Variants in ITGA1 observed in about 807,000 individuals in gnomAD.
ITGA1 encodes integrin subunit alpha 1, also known as integrin alpha-1.
In ITGA1, 85 loss-of-function variants were observed where a neutral mutation model predicts 145.9. The observed-to-expected ratio is 0.58, with a 90% CI of 0.49 to 0.70. The LOEUF (loss-of-function observed/expected upper bound fraction) is 0.70. Ranked by LOEUF, ITGA1 falls within the 30% of genes least tolerant of loss-of-function variation. The pLI, the probability that ITGA1 is intolerant of heterozygous loss-of-function variation, is 0.00. For synonymous variants in ITGA1, 520 were observed against 495.3 expected (o/e 1.05, Z -0.66); for missense variants, 1,351 against 1,418.7 (o/e 0.95, Z 0.77).
chr5:52,831,583 C>A (rs1749071268), intron 1 of ITGA1, among the ~76,000 whole-genome samples: 1 of 150,080 alleles, frequency 6.7e-6, no homozygotes, highest in Non-Finnish European at 1.5e-5. Flanking sequence ...ATTGGCATCA[C>A]AATAACAGTA....
At chr5:52,890,765 T>G in intron 8 of ITGA1, among the ~76,000 whole-genome samples, 1 of 152,320 alleles carries the variant, frequency 6.6e-6, no homozygotes, top group Non-Finnish European at 1.5e-5. Flanking sequence ...TATTTTGAAA[T>G]ATACAATATG....
At chr5:52,917,563 T>TCCATTAAAAATAATAAATC (rs150800671) in intron 15 of ITGA1, among the ~76,000 whole-genome samples, 31,057 of 151,228 alleles carry the variant, frequency 0.21, 3,865 homozygotes, top group East Asian at 0.35. Flanking sequence ...ATAGTCTGCT[T>TCCATTAAAAATAATAAATC]CCATTAAAAA....
At chr5:52,832,898 G>A (rs1309447007) in intron 1 of ITGA1, among the ~76,000 whole-genome samples, 2 of 149,890 alleles carry the variant, frequency 1.3e-5, no homozygotes, top group East Asian at 4.0e-4. Context: ...GCCATCAAAA[G>A]CTTTGAGATT....
At chr5:52,900,360 G>A (rs1750295464) in intron 11 of ITGA1, among the ~76,000 whole-genome samples, 1 of 152,100 alleles carries the variant, frequency 6.6e-6, no homozygotes, top group African/African-American at 2.4e-5. Flanking sequence ...ATTTGACAAT[G>A]TGTTTACAGA....
At chr5:52,927,119 A>C (rs1270932533) in intron 19 of ITGA1, among the ~76,000 whole-genome samples, 5 of 152,196 alleles carry the variant, frequency 3.3e-5, no homozygotes, top group Non-Finnish European at 7.3e-5. Flanking sequence ...TCAGTCCCAG[A>C]GAGGTGAGGA....
At chr5:52,942,275 A>C (rs10065169) in intron 26 of ITGA1, among the ~76,000 whole-genome samples, 4,112 of 152,268 alleles carry the variant, frequency 0.027, 192 homozygotes, top group African/African-American at 0.094. Context: ...TTTTAGATCC[A>C]CATGAATTTT....
At position 52,800,466 on chromosome 5, in the gene ITGA1, G is replaced by A. The variant is rs148212245; in HGVS notation, c.61+12052G>A. The A allele has an allele frequency of 3.7e-6, 6 of 1,613,984 alleles. No individual in the cohort carries two copies. The African/African-American group carries it at 8.0e-5, about 22-fold the overall frequency. ...TGACCCTGGTCCCCGAGGAGCCTGA[G>A]GACATGTGGCACACTTACAACCTCG... On this transcript the variant is annotated intron_variant, in intron 1 of 28. Transcript: ENST00000282588.
chr5:52,789,183 A>C (rs564044028), intron 1 of ITGA1, among the ~76,000 whole-genome samples: 23 of 152,226 alleles, frequency 1.5e-4, no homozygotes, highest in African/African-American at 5.1e-4. Context: ...CCAATAATGA[A>C]CTCATGGTCA....
intron 6 of ITGA1, among the ~76,000 whole-genome samples, chr5:52,877,403 C>A (rs2111797273): frequency 1.3e-5 from 2 of 152,240 alleles, no homozygotes; most frequent in Middle Eastern, 6.8e-3. Flanking sequence ...CGGGCTCCAA[C>A]ACCAGATCAA....
chr5:52,831,223 C>A (rs1749064558), intron 1 of ITGA1, among the ~76,000 whole-genome samples: 1 of 152,018 alleles, frequency 6.6e-6, no homozygotes. Context: ...ACCTCTGCCT[C>A]CTGGGTTCAA....
At chr5:52,917,910 G>A (rs1036944887) in intron 15 of ITGA1, among the ~76,000 whole-genome samples, 1 of 152,072 alleles carries the variant, frequency 6.6e-6, no homozygotes, top group Non-Finnish European at 1.5e-5. Flanking sequence ...CATAAGTAGT[G>A]ACCTCATTAT....
intron 26 of ITGA1, among the ~76,000 whole-genome samples, chr5:52,943,000 GATC>G (rs1751077319): frequency 6.6e-6 from 1 of 152,082 alleles, no homozygotes; most frequent in South Asian, 2.1e-4. Flanking sequence ...CTAGGTATAG[GATC>G]ATATTACCAG....
intron 7 of ITGA1, among the ~76,000 whole-genome samples, chr5:52,886,600 A>G (rs1017449536): frequency 4.6e-5 from 7 of 152,124 alleles, no homozygotes; most frequent in South Asian, 2.1e-4. Context: ...AATAAAATAT[A>G]CTCATCTCTT....
intron 7 of ITGA1, among the ~76,000 whole-genome samples, chr5:52,885,196 C>T (rs994385973): frequency 2.0e-5 from 3 of 152,082 alleles, no homozygotes; most frequent in Non-Finnish European, 2.9e-5. Flanking sequence ...ACTTTCTGAA[C>T]CCCGTAGTTC....
Position 52,788,273 on chromosome 5 carries a change from C to G in ITGA1, c.-81C>G. ...GGAACCGCGGCAGCGGGATAAGTGG[C>G]CCAGCCAGAGAGCGCAGCTCCCGCG... On this transcript the variant is annotated 5_prime_UTR_variant, in exon 1 of 29. Transcript: ENST00000282588. The G allele has an allele frequency of 8.7e-7, 1 of 1,149,410 alleles. No homozygotes were observed. The highest frequency in any genetic ancestry group is 3.2e-5 in the East Asian group (1 of 31,620). The allele number at this position is 1,149,410 out of a possible 1,614,324, so 71.2% of individuals were successfully genotyped here.
Position 52,887,713 on chromosome 5 carries a change from C to T in ITGA1, c.774-102C>T, listed in dbSNP as rs1166205725. 17 of 1,105,348 alleles carry T rather than the reference C, an allele frequency of 1.5e-5. No homozygotes were observed. In the Admixed American group the frequency reaches 1.8e-4, roughly 12 times the overall value. 68.5% of individuals were successfully genotyped at this position (1,105,348 alleles called of 1,614,324 possible). A position where few individuals can be genotyped will look rare whatever the true frequency, so the allele number is the denominator to read the frequency against. ...CATTGATGCTAATTTTGGAGGGAAG[C>T]ACCAGGCTACCTAGAGTAGTCAGTG... On this transcript the variant is annotated intron_variant, in intron 7 of 28. Transcript: ENST00000282588.
intron 1 of ITGA1, among the ~76,000 whole-genome samples, chr5:52,817,936 T>C (rs1748803722): frequency 6.6e-6 from 1 of 152,184 alleles, no homozygotes; most frequent in Admixed American, 6.5e-5. Context: ...ACTACTTGAC[T>C]CTATCATGGT....
At chr5:52,873,291 G>A (rs1231573337) in intron 6 of ITGA1, among the ~76,000 whole-genome samples, 4 of 152,046 alleles carry the variant, frequency 2.6e-5, no homozygotes, top group Non-Finnish European at 5.9e-5. Context: ...ATTCCCCTCA[G>A]CCCTAATTTC....
At position 52,922,861 on chromosome 5, in the gene ITGA1, T is replaced by A; in HGVS notation, c.2377T>A (p.Ser793Thr). Residue 793 changes from serine (S) to threonine (T), a missense_variant, in exon 18 of 29, where the codon TCT becomes ACT. By Grantham distance (58) the Ser-to-Thr change is moderately conservative. Transcript: ENST00000282588. ...DPENGPVLDD[S>T]LPNSVHEYIP... ...AGAAAATGGGCCTGTTCTTGATGAT[T>A]CTCTACCAAACTCAGTACATGAATA... 1 of 1,607,628 alleles carries A rather than the reference T, an allele frequency of 6.2e-7. No individual in the cohort carries two copies. The highest frequency in any genetic ancestry group is 8.5e-7 in the Non-Finnish European group (1 of 1,174,040).
Sources: allele counts gnomAD v4.1 joint callset (sites outside exome capture counted in the v4.1 genomes callset), GRCh38; gene constraint gnomAD v4.1.1; transcripts MANE v1.5; gene names NCBI Gene and HGNC (gene_info 2026-07-23, HGNC 2026-07-21).